SI: variants seen among roughly 807,000 people sequenced by gnomAD.
SI encodes sucrase-isomaltase, intestinal.
SI carries 235 observed loss-of-function variants against 253.3 expected under a neutral mutation model. That is an observed-to-expected ratio of 0.93 (90% confidence interval 0.83 to 1.03). The LOEUF (loss-of-function observed/expected upper bound fraction) is 1.03, where lower values mean the gene tolerates loss of function less well. SI is among the 50% of genes least tolerant of loss of function. SI has a pLI of 0.00. For synonymous variants in SI, 819 were observed against 712.0 expected, an observed-to-expected ratio of 1.15 and a Z score of -2.39; for missense variants, 2,442 against 2,211.1, an observed-to-expected ratio of 1.10 and a Z score of -2.09.
At chr3:164,998,927 T>A (rs1718140972) in intron 37 of SI, among the ~76,000 whole-genome samples, 1 of 151,840 alleles carries the variant, frequency 6.6e-6, no homozygotes, top group South Asian at 2.1e-4. Flanking sequence ...ATTCCTTCAA[T>A]GAATACAAGT....
chr3:165,071,554 T>C (rs1418507637), intron 3 of SI, among the ~76,000 whole-genome samples: 2 of 151,902 alleles, frequency 1.3e-5, no homozygotes, highest in Non-Finnish European at 2.9e-5. Context: ...TATGTAGATA[T>C]GTATATTCAC....
Position 164,991,443 on chromosome 3 carries a change from G to A in SI, c.5018C>T (p.Thr1673Ile), listed in dbSNP as rs1332630033. 2.5e-6 allele frequency: 4 copies of A among 1,613,296 alleles called. No individual in the cohort carries two copies. The highest frequency in any genetic ancestry group is 1.3e-5 in the African/African-American group (1 of 74,876). ...KDIGVRGQFQ[T>I]FNASYDTINL... is the part of the protein sequence containing the mutation. Reference sequence around the variant, plus strand: ...TATTGTGTCATAAGAAGCATTAAATGTTTGAAATTGTCCTCTGACGCCAAT... The same window carrying A: ...TATTGTGTCATAAGAAGCATTAAATATTTGAAATTGTCCTCTGACGCCAAT... Residue 1673 changes from threonine (T) to isoleucine (I), a missense_variant, in exon 44 of 48, where the codon ACA becomes ATA. Thr to Ile is a moderately conservative substitution (Grantham distance 89). Coordinates refer to ENST00000264382, the MANE Select transcript of SI (RefSeq NM_001041.4).
rs760505676 is a variant in SI, at chr3:164,992,197, G to A, written c.4963C>T (p.Arg1655Trp). The A allele has an allele frequency of 3.1e-6, 5 of 1,611,494 alleles. No homozygotes were observed. The highest frequency in any genetic ancestry group is 1.1e-5 in the South Asian group (1 of 91,000). The change falls in exon 43 of 48, where the codon CGG becomes TGG. Residue 1655 changes from arginine (R) to tryptophan (W), a missense_variant. By Grantham distance (101) the Arg-to-Trp change is moderately radical. Transcript: ENST00000264382. The part of the protein sequence containing the change: ...QTVNAYVPNA[R>W]WFDYHTGKDI... ...CTTACTGTATGGTAGTCAAACCACC[G>A]AGCATTGGGGACGTAGGCATTTACA...
chr3:165,006,821 A>G lies in SI; in HGVS notation c.4401T>C (p.Thr1467=), dbSNP rs1359565235. ...TAATTCAGAACATTGCTTACTCATG[A>G]GTAGGTTTCATCTGTGACCATCCAT... is the stretch of plus-strand genomic sequence containing the variant. ...NLYGWSQMKP[T]HDALQKTTGK... Residue 1467 remains threonine, a synonymous_variant, in exon 37 of 48, where the codon ACT becomes ACC. Transcript: ENST00000264382. 6.2e-7 allele frequency: 1 copy of G among 1,612,304 alleles called. No homozygotes were observed.
intron 16 of SI, among the ~76,000 whole-genome samples, chr3:165,044,434 T>G (rs1157749325): frequency 6.6e-6 from 1 of 151,988 alleles, no homozygotes; most frequent in East Asian, 1.9e-4. Flanking sequence ...ATTCTTGATA[T>G]TTTCAGACAA....
At chr3:165,041,701 A>G (rs968245524) in intron 17 of SI, among the ~76,000 whole-genome samples, 1 of 152,102 alleles carries the variant, frequency 6.6e-6, no homozygotes, top group African/African-American at 2.4e-5. Context: ...CTCAGGGTAG[A>G]TAAGTGACTC....
At chr3:165,041,325 G>A (rs892724221) in intron 17 of SI, among the ~76,000 whole-genome samples, 1 of 151,768 alleles carries the variant, frequency 6.6e-6, no homozygotes, top group Non-Finnish European at 1.5e-5. Flanking sequence ...TATTTAAAGC[G>A]TTGCCACAGA....
At chr3:165,014,829 G>A (rs559649044) in intron 33 of SI, among the ~76,000 whole-genome samples, 1 of 152,006 alleles carries the variant, frequency 6.6e-6, no homozygotes, top group African/African-American at 2.4e-5. Flanking sequence ...ACAGAATAAT[G>A]AGTAGCCATC....
rs1436160133 is a variant in SI, at chr3:165,062,485, T to C, written c.908-2A>G. ...TTGGAGTAGGCTGGATAAAAATCTC[T>C]GCAAAATAAAATTGGTAAACTTATA... On this transcript the variant is annotated splice_acceptor_variant, in intron 8 of 47. Coordinates refer to ENST00000264382, the MANE Select transcript of SI (RefSeq NM_001041.4). LOFTEE classifies it high-confidence loss of function. The C allele has an allele frequency of 6.7e-7, 1 of 1,499,104 alleles. No homozygotes were observed. The highest frequency in any genetic ancestry group is 9.3e-7 in the Non-Finnish European group (1 of 1,076,496). 92.9% of individuals were successfully genotyped at this position (1,499,104 alleles called of 1,614,324 possible). A position where few individuals can be genotyped will look rare whatever the true frequency, so the allele number is the denominator to read the frequency against.
intron 40 of SI, among the ~76,000 whole-genome samples, chr3:164,995,700 C>T (rs1717978785): frequency 6.6e-6 from 1 of 151,720 alleles, no homozygotes; most frequent in Admixed American, 6.6e-5. Context: ...CTCTAGTATT[C>T]CTTCATTTAA....
rs1717476929 is a variant in SI, at chr3:164,987,154, A to T, written c.5181T>A (p.Asp1727Glu). 6 of 1,613,380 alleles carry T rather than the reference A, an allele frequency of 3.7e-6. No individual in the cohort carries two copies. The highest frequency in any genetic ancestry group is 5.1e-6 in the Non-Finnish European group (6 of 1,179,446). Reference sequence around the variant, plus strand: ...AGCACTCACCTATACTCTCTCCATCATCCCAAAACAGAGAACCCTGTGCCA... The same window carrying T: ...AGCACTCACCTATACTCTCTCCATCTTCCCAAAACAGAGAACCCTGTGCCA... The part of the protein sequence containing the change: ...NQMAQGSLFW[D>E]DGESIDTYER... The change falls in exon 45 of 48, where the codon GAT becomes GAA. Residue 1727 changes from aspartate (D) to glutamate (E), a missense_variant. Transcript: ENST00000264382.
intron 44 of SI, among the ~76,000 whole-genome samples, chr3:164,988,761 A>C (rs936613991): frequency 6.6e-6 from 1 of 152,186 alleles, no homozygotes; most frequent in African/African-American, 2.4e-5. Context: ...AATGGAAATA[A>C]AGACTGTGAC....
rs746560617 is a variant in SI at position 165,021,253 on chromosome 3, C to A, written c.3230G>T (p.Arg1077Leu). The A allele has an allele frequency of 6.2e-7, 1 of 1,611,040 alleles. No individual in the cohort carries two copies. Among genetic ancestry groups the A allele is most frequent in the Non-Finnish European group, 8.5e-7 (1 of 1,177,906 alleles). Residue 1077 changes from arginine (R) to leucine (L), a missense_variant, in exon 27 of 48, where the codon CGA (arginine) becomes CTA (leucine). Arg to Leu is a moderately radical substitution (Grantham distance 102). Coordinates refer to ENST00000264382, the MANE Select transcript of SI (RefSeq NM_001041.4). The stretch of plus-strand genomic sequence containing the variant: ...CATGACTCTTCCACTGCTTCTCCGT[C>A]GAATCTGGATGCCAAAAGGATTTTC... ...IKENPFGIQI[R>L]RRSSGRVIWD...
chr3:165,090,215 A>C, the SI span, among the ~76,000 whole-genome samples: 1 of 151,788 alleles, frequency 6.6e-6, no homozygotes. Context: ...GTGAGCATAC[A>C]ATCTGAAGTC....
At chr3:165,043,001 A>G (rs1712923919) in intron 17 of SI, 58 bp downstream of exon 17, 2 of 998,666 alleles carry the variant, frequency 2.0e-6, no homozygotes, top group East Asian at 2.4e-5. Flanking sequence ...ATTTAAGTAC[A>G]TTAATAAAAA....
chr3:165,063,384 G>A, intron 8 of SI, 58 bp downstream of exon 8: 2 of 781,882 alleles, frequency 2.6e-6, no homozygotes, highest in East Asian at 2.5e-5. Context: ...AATAAAGAGA[G>A]CAGTTAAAAC....
intron 37 of SI, among the ~76,000 whole-genome samples, chr3:165,004,958 G>A (rs1471136405): frequency 1.3e-5 from 2 of 152,070 alleles, no homozygotes; most frequent in African/African-American, 4.8e-5. Flanking sequence ...CGCTATTCTT[G>A]TAATAGTGAG....
rs1717064698 is a variant in SI at position 164,979,289 on chromosome 3, G to A, written c.*73C>T. On this transcript the variant is annotated 3_prime_UTR_variant, in exon 48 of 48. Coordinates refer to ENST00000264382, the MANE Select transcript of SI (RefSeq NM_001041.4). ...TAGAGTACAAGAACCAAGTGAAGAG[G>A]GAAAATTGTAAGTGCTGTGAAACTT... 1 of 888,216 alleles carries A rather than the reference G, an allele frequency of 1.1e-6. No homozygotes were observed. The highest frequency in any genetic ancestry group is 2.4e-5 in the East Asian group (1 of 41,374). The allele number at this position is 888,216 out of a possible 1,614,324, so 55.0% of individuals were successfully genotyped here.
chr3:165,019,908 A>G, intron 27 of SI, 138 bp from the exon 28 acceptor site: 1 of 754,932 alleles, frequency 1.3e-6, no homozygotes. Context: ...CAGGTACCAA[A>G]TGGAAATAGA....
Sources: allele counts gnomAD v4.1 joint callset (sites outside exome capture counted in the v4.1 genomes callset), GRCh38; gene constraint gnomAD v4.1.1; transcripts MANE v1.5; gene names NCBI Gene and HGNC (gene_info 2026-07-23, HGNC 2026-07-21).